RIMS2: variants seen among roughly 807,000 people sequenced by gnomAD.
RIMS2 encodes the protein regulating synaptic membrane exocytosis 2, also known as regulating synaptic membrane exocytosis protein 2.
A neutral mutation model predicts 174.4 loss-of-function variants in RIMS2; 59 were observed. The observed-to-expected ratio is 0.34, with a 90% CI of 0.27 to 0.42. The LOEUF (loss-of-function observed/expected upper bound fraction) is 0.42, where lower values mean the gene tolerates loss of function less well. Ranked by LOEUF, RIMS2 falls within the 10% of genes least tolerant of loss-of-function variation. The pLI is 1.00. For missense variants in RIMS2, 1,620 were observed against 1,666.3 expected (o/e 0.97, Z 0.48); for synonymous variants, 606 against 572.5 (o/e 1.06, Z -0.84).
intron 1 of RIMS2, among the ~76,000 whole-genome samples, chr8:103,571,583 G>A (rs2092809526): frequency 6.6e-6 from 1 of 152,032 alleles, no homozygotes; most frequent in Non-Finnish European, 1.5e-5. Flanking sequence ...GTGTGTATAT[G>A]TATATATGTA....
intron 2 of RIMS2, among the ~76,000 whole-genome samples, chr8:103,714,743 A>G (rs2097348664): frequency 6.6e-6 from 1 of 152,184 alleles, no homozygotes; most frequent in Admixed American, 6.5e-5. Flanking sequence ...ATAAGTGATA[A>G]TGAGAAGGTA....
rs572738453 is a variant in RIMS2 at position 103,802,960 on chromosome 8, T to C, written c.698+36423T>C. ...GGCATTTAAATTGGTCAATTCATAA[T>C]AACATGAATTCAGCATCATGGTGGT... On this transcript the variant is annotated intron_variant, in intron 3 of 23. Coordinates refer to ENST00000504942, the Ensembl canonical transcript of RIMS2. Among the ~76,000 whole-genome samples the C allele has an allele frequency of 2.0e-5, 3 of 152,320 alleles. No individual in the cohort carries two copies. The South Asian group carries it at 6.2e-4, about 32-fold the overall frequency.
intron 3 of RIMS2, among the ~76,000 whole-genome samples, chr8:103,861,370 A>G (rs77163107): frequency 0.16 from 23,900 of 152,014 alleles, 1,966 homozygotes; most frequent in Middle Eastern, 0.24. Flanking sequence ...TTTTCTTTAT[A>G]CAATCAACTT....
chr8:103,709,422 G>A (rs957499995), intron 2 of RIMS2, among the ~76,000 whole-genome samples: 1 of 146,704 alleles, frequency 6.8e-6, no homozygotes, highest in African/African-American at 2.5e-5. Context: ...TTTGTTGGAT[G>A]TTGGCTATTT....
intron 1 of RIMS2, among the ~76,000 whole-genome samples, chr8:103,666,687 A>C (rs1478677122): frequency 6.6e-6 from 1 of 152,116 alleles, no homozygotes; most frequent in African/African-American, 2.4e-5. Flanking sequence ...GAGTGACTCC[A>C]TCTTGATTTG....
chr8:103,587,409 GAAGAAAGAAAGAAAGAAAGAAAGAAAGA>G (rs201019003), intron 1 of RIMS2, among the ~76,000 whole-genome samples: 19 of 117,148 alleles, frequency 1.6e-4, no homozygotes, highest in African/African-American at 3.5e-4. Flanking sequence ...GAAGAAAAAA[GAAGAAAGAAAGAAAGAAAGAAAGAAAGA>G]AAGAAAGAAA....
chr8:103,607,709 C>A (rs1194585006), intron 1 of RIMS2, among the ~76,000 whole-genome samples: 1 of 135,590 alleles, frequency 7.4e-6, no homozygotes, highest in Non-Finnish European at 1.6e-5. Flanking sequence ...TCTTTTTATT[C>A]TTTTTTCTCT....
exon 4 of RIMS2, chr8:103,885,746 A>T (rs2099196857): frequency 6.2e-7 from 1 of 1,612,866 alleles, no homozygotes; most frequent in South Asian, 1.1e-5. Flanking sequence ...AGATTCCAGG[A>T]TTTCTATGCT....
At chr8:103,500,945 C>T in exon 1 of RIMS2, 1 of 1,608,920 alleles carries the variant, frequency 6.2e-7, no homozygotes, top group Non-Finnish European at 8.5e-7. Context: ...GCCTCTCAGC[C>T]GCCTCTGCAG....
In RIMS2 at chr8:104,105,024, T is replaced by C. The variant is rs141581395; in HGVS notation, c.3334+90409T>C. 6.2e-3 allele frequency among the ~76,000 whole-genome samples: 947 copies of C among 152,244 alleles called. 3 individuals carry two copies. Among genetic ancestry groups the C allele is most frequent in the Non-Finnish European group, 9.2e-3 (629 of 68,002 alleles). On this transcript the variant is annotated intron_variant, in intron 19 of 23. Transcript: ENST00000504942. Reference sequence around the variant, plus strand: ...GAAGATAAATATGAAGATAACTGGATTTATGTAAGTTTGGGATAATTGGGC... The same window carrying C: ...GAAGATAAATATGAAGATAACTGGACTTATGTAAGTTTGGGATAATTGGGC...
At chr8:104,148,511 T>C in intron 19 of RIMS2, 96 bp from the exon 25 acceptor site, 9 of 1,124,044 alleles carry the variant, frequency 8.0e-6, no homozygotes, top group African/African-American at 1.6e-5. Flanking sequence ...ATAGATGATA[T>C]AATTTAATTA....
At chr8:103,645,427 C>A (rs927348607) in intron 1 of RIMS2, among the ~76,000 whole-genome samples, 1 of 151,944 alleles carries the variant, frequency 6.6e-6, no homozygotes, top group Non-Finnish European at 1.5e-5. Context: ...ATTACTATAT[C>A]ATTAAAAAAT....
intron 19 of RIMS2, among the ~76,000 whole-genome samples, chr8:104,176,658 T>C (rs976893170): frequency 1.3e-5 from 2 of 151,260 alleles, no homozygotes; most frequent in Non-Finnish European, 2.9e-5. Context: ...TAATTATATA[T>C]GAATATATAA....
chr8:104,039,881 T>G (rs1034694590), intron 19 of RIMS2, among the ~76,000 whole-genome samples: 1 of 151,728 alleles, frequency 6.6e-6, no homozygotes, highest in African/African-American at 2.4e-5. Context: ...TTAATCCTGT[T>G]AGCAGTATGA....
rs575587377 is a variant in RIMS2 at position 103,544,335 on chromosome 8, T to C, written c.176+43273T>C. Among the ~76,000 whole-genome samples, 78 of 152,256 alleles carry C rather than the reference T, an allele frequency of 5.1e-4. 1 individual carries two copies. Among genetic ancestry groups the C allele is most frequent in the African/African-American group, 1.7e-3 (72 of 41,538 alleles). On this transcript the variant is annotated intron_variant, in intron 1 of 23. Transcript: ENST00000504942. ...ACCTCTTCTGCCTGAACTCAGCTGG[T>C]GGGTGCAGCTTACGCTTGTCCTGGG...
At chr8:103,591,288 T>G (rs906257382) in intron 1 of RIMS2, among the ~76,000 whole-genome samples, 1 of 151,136 alleles carries the variant, frequency 6.6e-6, no homozygotes, top group African/African-American at 2.4e-5. Flanking sequence ...GTTTTTAAGT[T>G]CTGTTTATTC....
At chr8:103,568,972 G>A in intron 1 of RIMS2, 1 of 625,592 alleles carries the variant, frequency 1.6e-6, no homozygotes, top group Non-Finnish European at 2.9e-6. Flanking sequence ...AGCTGCATGA[G>A]CTGATCACCG....
intron 19 of RIMS2, among the ~76,000 whole-genome samples, chr8:104,175,335 T>C (rs560081771): frequency 1.3e-5 from 2 of 152,212 alleles, no homozygotes; most frequent in South Asian, 4.2e-4. Context: ...ATTGTAGGTG[T>C]ATATATTTGT....
intron 4 of RIMS2, among the ~76,000 whole-genome samples, chr8:103,892,410 C>T (rs557352910): frequency 5.2e-4 from 79 of 151,696 alleles, no homozygotes; most frequent in Non-Finnish European, 8.2e-4. Flanking sequence ...TACTATGTTG[C>T]GCAGGCTGGT....
Sources: gnomAD v4.1 joint callset for allele counts (sites outside exome capture counted in the v4.1 genomes callset) on GRCh38, gnomAD v4.1.1 for gene constraint, MANE v1.5 for transcripts, NCBI Gene and HGNC (gene_info 2026-07-23, HGNC 2026-07-21) for gene names.